CADM2: variants seen among roughly 807,000 people sequenced by gnomAD.
The protein encoded by CADM2 is cell adhesion molecule 2, also known as immunoglobulin superfamily member 4D.
In CADM2, 12 loss-of-function variants were observed where a neutral mutation model predicts 49.8. The ratio of observed to expected loss-of-function variants is 0.24; its 90% confidence interval spans 0.15 to 0.39. CADM2 has a LOEUF of 0.39. Among genes scored for constraint, CADM2 ranks in the 10% least tolerant of loss-of-function variants. The pLI, the probability that CADM2 is intolerant of heterozygous loss-of-function variation, is 1.00. For synonymous variants in CADM2, 214 were observed against 175.4 expected (o/e 1.22, Z -1.74); for missense variants, 378 against 492.3 (o/e 0.77, Z 2.20).
intron 1 of CADM2, among the ~76,000 whole-genome samples, chr3:85,550,689 A>T (rs2061780486): frequency 6.6e-6 from 1 of 152,162 alleles, no homozygotes; most frequent in African/African-American, 2.4e-5. Flanking sequence ...CAAAAACCCT[A>T]TTCTCACCAA....
intron 1 of CADM2, among the ~76,000 whole-genome samples, chr3:85,658,866 T>C (rs2065305206): frequency 6.7e-6 from 1 of 149,338 alleles, no homozygotes; most frequent in Admixed American, 6.7e-5. Context: ...GCCTGGGCAA[T>C]GCAGTGAGAC....
chr3:85,157,835 C>G (rs1453526147), intron 1 of CADM2, among the ~76,000 whole-genome samples: 3 of 152,160 alleles, frequency 2.0e-5, no homozygotes, highest in Non-Finnish European at 4.4e-5. Flanking sequence ...CCAAAATTGA[C>G]AAATGGGATC....
intron 1 of CADM2, among the ~76,000 whole-genome samples, chr3:85,404,456 C>T (rs2035274981): frequency 6.6e-6 from 1 of 151,988 alleles, no homozygotes; most frequent in South Asian, 2.1e-4. Context: ...ATAAAAAGAG[C>T]TGTTAGGAAG....
intron 1 of CADM2, among the ~76,000 whole-genome samples, chr3:85,450,456 G>A (rs1043666220): frequency 6.6e-6 from 1 of 151,450 alleles, no homozygotes; most frequent in Non-Finnish European, 1.5e-5. Context: ...CTACCATTCA[G>A]GATATCTACT....
chr3:85,722,264 G>A (rs2067530130), intron 1 of CADM2, among the ~76,000 whole-genome samples: 1 of 152,090 alleles, frequency 6.6e-6, no homozygotes, highest in South Asian at 2.1e-4. Context: ...ACCCTGGAGT[G>A]GGTAGCTCCT....
chr3:85,145,663 C>T (rs566462888), intron 1 of CADM2, among the ~76,000 whole-genome samples: 1 of 152,154 alleles, frequency 6.6e-6, no homozygotes, highest in African/African-American at 2.4e-5. Flanking sequence ...TCATCCCTGT[C>T]ATGCTCAATA....
chr3:86,005,499 C>T (rs183371738), intron 8 of CADM2, among the ~76,000 whole-genome samples: 100 of 150,000 alleles, frequency 6.7e-4, no homozygotes, highest in Middle Eastern at 7.0e-3. Flanking sequence ...TGCCGTGAGC[C>T]GAGATCACAC....
At position 85,916,008 on chromosome 3, in the gene CADM2, A is replaced by G. The variant is rs73132617; in HGVS notation, c.700+3465A>G. 9.4e-3 allele frequency among the ~76,000 whole-genome samples: 1,426 copies of G among 152,282 alleles called. 14 individuals carry two copies. The highest frequency in any genetic ancestry group is 0.044 in the Middle Eastern group (13 of 294). ...TGCCAAGAGGCATAATGAAAAAAGT[A>G]TAGTAGGAGGACTTATATTTCTAGG... On this transcript the variant is annotated intron_variant, in intron 6 of 9. Coordinates refer to ENST00000383699, the MANE Select transcript of CADM2 (RefSeq NM_001167675.2).
intron 3 of CADM2, among the ~76,000 whole-genome samples, chr3:85,880,751 T>C (rs548769012): frequency 6.6e-6 from 1 of 152,212 alleles, no homozygotes; most frequent in Non-Finnish European, 1.5e-5. Context: ...GTTTTCACAG[T>C]AGAGTTCACT....
At chr3:85,870,359 T>A (rs1259450879) in intron 3 of CADM2, among the ~76,000 whole-genome samples, 1 of 152,122 alleles carries the variant, frequency 6.6e-6, no homozygotes. Context: ...ACCAAAGTCT[T>A]GAGCCTAGCA....
chr3:85,384,609 C>T (rs2107368354), intron 1 of CADM2, among the ~76,000 whole-genome samples: 1 of 151,962 alleles, frequency 6.6e-6, no homozygotes, highest in South Asian at 2.1e-4. Context: ...CCACCGCGCC[C>T]GCCCTCCTTT....
intron 3 of CADM2, among the ~76,000 whole-genome samples, chr3:85,865,594 T>G (rs2075692746): frequency 6.6e-6 from 1 of 152,242 alleles, no homozygotes; most frequent in African/African-American, 2.4e-5. Context: ...GAAACATTTT[T>G]GAAAATTTTA....
At chr3:85,372,887 C>A (rs1016661999) in intron 1 of CADM2, among the ~76,000 whole-genome samples, 19 of 152,220 alleles carry the variant, frequency 1.2e-4, no homozygotes, top group African/African-American at 4.3e-4. Context: ...ATCATGAGAA[C>A]AGCATGGGAG....
chr3:85,065,888 T>C (rs1462862768), intron 1 of CADM2, among the ~76,000 whole-genome samples: 1 of 152,120 alleles, frequency 6.6e-6, no homozygotes, highest in African/African-American at 2.4e-5. Context: ...AATAACTTTC[T>C]TTACTTTAAG....
intron 1 of CADM2, among the ~76,000 whole-genome samples, chr3:85,178,944 A>G (rs551032151): frequency 2.0e-5 from 3 of 152,068 alleles, no homozygotes; most frequent in South Asian, 4.1e-4. Flanking sequence ...GATAAAAATA[A>G]AACTTAAAAT....
chr3:85,824,362 A>T (rs1343570033), intron 3 of CADM2, among the ~76,000 whole-genome samples: 1 of 152,052 alleles, frequency 6.6e-6, no homozygotes, highest in Non-Finnish European at 1.5e-5. Flanking sequence ...AAAATGGAAA[A>T]CTTAGTGTAA....
intron 1 of CADM2, among the ~76,000 whole-genome samples, chr3:85,373,607 A>T (rs993931902): frequency 2.0e-5 from 3 of 152,056 alleles, no homozygotes; most frequent in Non-Finnish European, 4.4e-5. Context: ...TCCTTCCAAA[A>T]TGCCCTAGCA....
intron 6 of CADM2, among the ~76,000 whole-genome samples, chr3:85,932,545 C>T (rs1295210445): frequency 6.6e-6 from 1 of 152,102 alleles, no homozygotes; most frequent in Non-Finnish European, 1.5e-5. Context: ...GTAAAGGCTA[C>T]ATAGAAAAAT....
At chr3:85,242,735 A>G (rs1256292142) in intron 1 of CADM2, among the ~76,000 whole-genome samples, 1 of 151,802 alleles carries the variant, frequency 6.6e-6, no homozygotes, top group Non-Finnish European at 1.5e-5. Context: ...ACAAGATCTC[A>G]GGTCTGACAA....
Sources: allele counts gnomAD v4.1 joint callset (sites outside exome capture counted in the v4.1 genomes callset), GRCh38; gene constraint gnomAD v4.1.1; transcripts MANE v1.5; gene names NCBI Gene and HGNC (gene_info 2026-07-23, HGNC 2026-07-21).